Variants in GALNT13 observed in about 807,000 individuals in gnomAD.
The protein encoded by GALNT13 is UDP-GalNAc:polypeptide N-acetylgalactosaminyltransferase 13.
A neutral mutation model predicts 64.2 loss-of-function variants in GALNT13; 28 were observed. The observed-to-expected ratio is 0.44, with a 90% CI of 0.32 to 0.60. GALNT13 has a LOEUF of 0.60. Ranked by LOEUF, GALNT13 falls within the 20% of genes least tolerant of loss-of-function variation. The probability of loss-of-function intolerance (pLI) is 0.05; values close to 1 mark genes in which losing one functional copy is unlikely to be tolerated. For missense variants in GALNT13, 577 were observed against 669.8 expected, an observed-to-expected ratio of 0.86 and a Z score of 1.53; for synonymous variants, 214 against 224.6, an observed-to-expected ratio of 0.95 and a Z score of 0.42.
chr2:154,442,705 A>G (rs1321692406), intron 12 of GALNT13, among the ~76,000 whole-genome samples: 2 of 152,136 alleles, frequency 1.3e-5, no homozygotes, highest in Admixed American at 6.6e-5. Flanking sequence ...CAATCAATTT[A>G]GAATATTTCC....
chr2:154,405,545 G>A (rs1304366446), intron 10 of GALNT13, among the ~76,000 whole-genome samples: 5 of 147,240 alleles, frequency 3.4e-5, no homozygotes, highest in South Asian at 2.2e-4. Context: ...TCAGGATTTC[G>A]AGACCAGCCT....
chr2:153,392,427 G>C, the GALNT13 span, among the ~76,000 whole-genome samples: 1 of 151,984 alleles, frequency 6.6e-6, no homozygotes. Flanking sequence ...GAAGGTGTTT[G>C]TTTCCATCTC....
chr2:154,416,528 A>G (rs1574266417), intron 11 of GALNT13, among the ~76,000 whole-genome samples: 1 of 152,084 alleles, frequency 6.6e-6, no homozygotes, highest in South Asian at 2.1e-4. Flanking sequence ...ACAAATGATA[A>G]TTTCAGTCAA....
At chr2:154,320,936 A>G (rs1291529234) in intron 9 of GALNT13, among the ~76,000 whole-genome samples, 1 of 152,166 alleles carries the variant, frequency 6.6e-6, no homozygotes, top group Non-Finnish European at 1.5e-5. Context: ...TTCCAATAAG[A>G]ATTACTTGAT....
intron 9 of GALNT13, among the ~76,000 whole-genome samples, chr2:154,360,054 G>A (rs540608476): frequency 1.1e-3 from 167 of 152,126 alleles, no homozygotes; most frequent in African/African-American, 4.0e-3. Flanking sequence ...CAAATGTCCT[G>A]GAAAAATGTT....
the GALNT13 span, among the ~76,000 whole-genome samples, chr2:153,483,405 A>C: frequency 6.8e-6 from 1 of 147,464 alleles, no homozygotes; most frequent in Non-Finnish European, 1.5e-5. Flanking sequence ...AAAAGGAATA[A>C]AATTCTTTTT....
At chr2:154,227,139 G>A (rs1477334342) in intron 4 of GALNT13, among the ~76,000 whole-genome samples, 2 of 152,008 alleles carry the variant, frequency 1.3e-5, no homozygotes, top group Non-Finnish European at 2.9e-5. Flanking sequence ...GTACATTCAT[G>A]CAGAGTGATC....
intron 4 of GALNT13, among the ~76,000 whole-genome samples, chr2:154,148,773 G>A (rs1683782745): frequency 6.6e-6 from 1 of 152,088 alleles, no homozygotes; most frequent in Admixed American, 6.6e-5. Context: ...TGATGGGGTT[G>A]TTTTGTTTTT....
the GALNT13 span, among the ~76,000 whole-genome samples, chr2:153,803,421 G>A: frequency 2.0e-5 from 3 of 152,076 alleles, no homozygotes; most frequent in Non-Finnish European, 1.5e-5. Context: ...GGTCTGGCGC[G>A]GTGTCTTATG....
At chr2:153,098,968 T>C in the GALNT13 span, among the ~76,000 whole-genome samples, 2 of 152,072 alleles carry the variant, frequency 1.3e-5, no homozygotes, top group African/African-American at 2.4e-5. Flanking sequence ...TATGATAAAA[T>C]GAGTTTATCA....
intron 1 of GALNT13, among the ~76,000 whole-genome samples, chr2:153,899,935 A>T (rs13007052): frequency 0.36 from 35,516 of 98,446 alleles, 7,243 homozygotes; most frequent in Non-Finnish European, 0.46. Context: ...ATATATATAT[A>T]TTTTTTTTTT....
chr2:153,694,952 G>C, the GALNT13 span, among the ~76,000 whole-genome samples: 1 of 152,144 alleles, frequency 6.6e-6, no homozygotes, highest in African/African-American at 2.4e-5. Context: ...TCAGCATATA[G>C]TTTTACTTAC....
At chr2:153,984,000 A>G (rs1694633656) in intron 3 of GALNT13, among the ~76,000 whole-genome samples, 1 of 151,902 alleles carries the variant, frequency 6.6e-6, no homozygotes, top group South Asian at 2.1e-4. Flanking sequence ...ATCATATTTT[A>G]TTATACCTGT....
chr2:154,400,615 ATT>A, intron 10 of GALNT13, among the ~76,000 whole-genome samples: 1 of 152,200 alleles, frequency 6.6e-6, no homozygotes, highest in Non-Finnish European at 1.5e-5. Flanking sequence ...TACTCAAGTA[ATT>A]GAAATATTAC....
At chr2:154,126,655 CA>C (rs1001053780) in intron 3 of GALNT13, among the ~76,000 whole-genome samples, 1 of 139,432 alleles carries the variant, frequency 7.2e-6, no homozygotes. Flanking sequence ...AAAAAAAAAA[CA>C]AAAAAAAGAA....
chr2:153,072,773 T>C, the GALNT13 span, among the ~76,000 whole-genome samples: 2 of 152,230 alleles, frequency 1.3e-5, no homozygotes, highest in Non-Finnish European at 2.9e-5. Context: ...TCCCAATTAG[T>C]GATGTCCTTC....
At chr2:154,341,675 A>T (rs1038616457) in intron 9 of GALNT13, among the ~76,000 whole-genome samples, 4 of 152,030 alleles carry the variant, frequency 2.6e-5, no homozygotes, top group African/African-American at 9.7e-5. Context: ...TGTAGGACAC[A>T]GCAAGTACTC....
chr2:153,966,673 AT>A lies in GALNT13; in HGVS notation c.142+22044del, dbSNP rs1239288074. ...GTGAGCCACCGCGACCGGCCCCGGG[AT>A]TTTTTTTTTATCCTTGACCTTTGGG... On this transcript the variant is annotated intron_variant, in intron 3 of 12. Transcript: ENST00000392825. Among the ~76,000 whole-genome samples the A allele has an allele frequency of 8.3e-4, 123 of 147,504 alleles. 6 individuals are homozygous for A. Among genetic ancestry groups the A allele is most frequent in the African/African-American group, 5.2e-4 (21 of 40,258 alleles).
chr2:153,779,653 TA>T, the GALNT13 span, among the ~76,000 whole-genome samples: 1 of 152,154 alleles, frequency 6.6e-6, no homozygotes, highest in Non-Finnish European at 1.5e-5. Flanking sequence ...TTTTATATTA[TA>T]AAAATAATAT....
Sources: gnomAD v4.1 joint callset for allele counts (sites outside exome capture counted in the v4.1 genomes callset) on GRCh38, gnomAD v4.1.1 for gene constraint, MANE v1.5 for transcripts, NCBI Gene and HGNC (gene_info 2026-07-23, HGNC 2026-07-21) for gene names.